PRKAG2: variants seen among roughly 807,000 people sequenced by gnomAD.
PRKAG2 encodes protein kinase AMP-activated non-catalytic subunit gamma 2, also known as 5'-AMP-activated protein kinase subunit gamma-2.
In PRKAG2, 26 loss-of-function variants were observed where a neutral mutation model predicts 69.6. The observed-to-expected ratio is 0.37, with a 90% CI of 0.27 to 0.52. The LOEUF is 0.52. Among genes scored for constraint, PRKAG2 ranks in the 20% least tolerant of loss-of-function variants. The probability of loss-of-function intolerance (pLI) is 0.90; values close to 1 mark genes in which losing one functional copy is unlikely to be tolerated. For synonymous variants in PRKAG2, 293 were observed against 285.0 expected (o/e 1.03, Z -0.28); for missense variants, 557 against 740.0 (o/e 0.75, Z 2.87).
At chr7:151,692,963 C>T (rs1860745) in intron 3 of PRKAG2, among the ~76,000 whole-genome samples, 33,876 of 152,056 alleles carry the variant, frequency 0.22, 4,445 homozygotes, top group African/African-American at 0.36. Flanking sequence ...CTCCTGGAGA[C>T]AGCTGTGCTC....
chr7:151,827,941 A>C (rs2078946117), intron 1 of PRKAG2, among the ~76,000 whole-genome samples: 2 of 152,078 alleles, frequency 1.3e-5, no homozygotes, highest in African/African-American at 4.8e-5. Context: ...AGCAGATGCC[A>C]TGGGCTCCCC....
chr7:151,651,045 C>T (rs1309689703), intron 4 of PRKAG2, among the ~76,000 whole-genome samples: 1 of 152,060 alleles, frequency 6.6e-6, no homozygotes, highest in Non-Finnish European at 1.5e-5. Flanking sequence ...AAACAACTGA[C>T]ATATTTGTTG....
intron 3 of PRKAG2, among the ~76,000 whole-genome samples, chr7:151,683,854 T>C (rs970590869): frequency 6.6e-5 from 10 of 152,084 alleles, no homozygotes; most frequent in Non-Finnish European, 1.5e-4. Context: ...GTGACACAAG[T>C]TCAGGCCAGG....
intron 5 of PRKAG2, among the ~76,000 whole-genome samples, chr7:151,616,598 C>G (rs2151247344): frequency 6.6e-6 from 1 of 152,348 alleles, no homozygotes; most frequent in Non-Finnish European, 1.5e-5. Flanking sequence ...ACACCAAACA[C>G]TGCCCCGTGG....
chr7:151,852,474 G>A (rs1221758624), intron 1 of PRKAG2, among the ~76,000 whole-genome samples: 9 of 152,060 alleles, frequency 5.9e-5, no homozygotes, highest in South Asian at 2.1e-4. Flanking sequence ...CAGCCTGGGC[G>A]ACAGAGTGAG....
At position 151,876,850 on chromosome 7, in the gene PRKAG2, G is replaced by T; in HGVS notation, c.-230C>A. On this transcript the variant is annotated 5_prime_UTR_variant, in exon 1 of 16. The change creates a new upstream start codon in the 5' untranslated region. Coordinates refer to ENST00000287878, the MANE Select transcript of PRKAG2 (RefSeq NM_016203.4). ...CTACGGAACCCTCGTAGGCAAATCA[G>T]TCAAAGCCCGTCCCGGTTCTGGTGT... is the stretch of plus-strand genomic sequence containing the variant. 1 of 587,730 alleles carries T rather than the reference G, an allele frequency of 1.7e-6. No individual in the cohort carries two copies. The highest frequency in any genetic ancestry group is 2.0e-5 in the South Asian group (1 of 51,146). The allele number at this position is 587,730 out of a possible 1,614,324, so 36.4% of individuals were successfully genotyped here. A position where few individuals can be genotyped will look rare whatever the true frequency, so the allele number is the denominator to read the frequency against.
intron 3 of PRKAG2, among the ~76,000 whole-genome samples, chr7:151,700,545 C>T (rs1837501709): frequency 6.6e-6 from 1 of 152,166 alleles, no homozygotes; most frequent in African/African-American, 2.4e-5. Context: ...CTGAGCCCCA[C>T]CCTCAGAGAT....
At chr7:151,798,980 C>A (rs73728299) in intron 1 of PRKAG2, among the ~76,000 whole-genome samples, 1 of 152,202 alleles carries the variant, frequency 6.6e-6, no homozygotes, top group South Asian at 2.1e-4. Flanking sequence ...ATCCCCAGGC[C>A]ACCGCTAGAC....
chr7:151,610,183 G>GT (rs1226936672), intron 5 of PRKAG2, among the ~76,000 whole-genome samples: 1 of 152,094 alleles, frequency 6.6e-6, no homozygotes, highest in East Asian at 1.9e-4. Context: ...GGCTAACACG[G>GT]TGAAACCCCG....
intron 3 of PRKAG2, among the ~76,000 whole-genome samples, chr7:151,765,726 A>C (rs1042979284): frequency 6.6e-6 from 1 of 152,148 alleles, no homozygotes; most frequent in Non-Finnish European, 1.5e-5. Flanking sequence ...ACTTCCACAA[A>C]CCATTTTTGC....
chr7:151,802,976 G>A (rs1051171213), intron 1 of PRKAG2, among the ~76,000 whole-genome samples: 23 of 130,658 alleles, frequency 1.8e-4, no homozygotes, highest in African/African-American at 6.5e-4. Flanking sequence ...TTTTTTTTTT[G>A]AGACAGGGTC....
intron 5 of PRKAG2, among the ~76,000 whole-genome samples, chr7:151,626,833 C>T (rs1237599088): frequency 6.7e-6 from 1 of 149,622 alleles, no homozygotes; most frequent in South Asian, 2.1e-4. Flanking sequence ...CCTACCCCCA[C>T]GACATTTTAA....
intron 4 of PRKAG2, among the ~76,000 whole-genome samples, chr7:151,649,505 A>G (rs1475190289): frequency 6.6e-6 from 1 of 152,166 alleles, no homozygotes; most frequent in Non-Finnish European, 1.5e-5. Flanking sequence ...TGTGCTTGAT[A>G]TGGTTTGGAT....
intron 3 of PRKAG2, among the ~76,000 whole-genome samples, chr7:151,712,072 C>T (rs924189384): frequency 6.6e-6 from 1 of 152,242 alleles, no homozygotes; most frequent in Non-Finnish European, 1.5e-5. Flanking sequence ...GAGGCAGTGG[C>T]GGCAGAATGT....
At chr7:151,591,168 C>T (rs954218784) in intron 6 of PRKAG2, among the ~76,000 whole-genome samples, 6 of 152,214 alleles carry the variant, frequency 3.9e-5, no homozygotes, top group Non-Finnish European at 8.8e-5. Context: ...AGCAGCTGTT[C>T]CCAATGTAGT....
At chr7:151,751,644 G>A (rs2074699548) in intron 3 of PRKAG2, among the ~76,000 whole-genome samples, 1 of 151,704 alleles carries the variant, frequency 6.6e-6, no homozygotes, top group Non-Finnish European at 1.5e-5. Context: ...TACCTGGGAC[G>A]ACAGGCACAT....
At chr7:151,822,449 C>G (rs1222254162) in intron 1 of PRKAG2, among the ~76,000 whole-genome samples, 1 of 152,212 alleles carries the variant, frequency 6.6e-6, no homozygotes, top group Non-Finnish European at 1.5e-5. Context: ...GAGCAAAAGG[C>G]AGATGCGGCC....
At chr7:151,684,019 A>G (rs1181689354) in intron 3 of PRKAG2, among the ~76,000 whole-genome samples, 1 of 151,842 alleles carries the variant, frequency 6.6e-6, no homozygotes, top group Non-Finnish European at 1.5e-5. Context: ...CGCAGGTTTT[A>G]CCTTCCACCC....
chr7:151,757,946 G>A (rs1467141408), intron 3 of PRKAG2, among the ~76,000 whole-genome samples: 2 of 152,188 alleles, frequency 1.3e-5, no homozygotes, highest in African/African-American at 4.8e-5. Context: ...CAGTCAAAAC[G>A]TTTTCAAACC....
Sources: allele counts gnomAD v4.1 joint callset (sites outside exome capture counted in the v4.1 genomes callset), GRCh38; gene constraint gnomAD v4.1.1; transcripts MANE v1.5; gene names NCBI Gene and HGNC (gene_info 2026-07-23, HGNC 2026-07-21).